IPO11: variants seen among roughly 807,000 people sequenced by gnomAD.
The protein encoded by IPO11 is importin 11.
Under a neutral mutation model 143.2 loss-of-function variants are expected in IPO11, and 66 were observed. That is an observed-to-expected ratio of 0.46 (90% CI 0.38 to 0.57). The LOEUF (loss-of-function observed/expected upper bound fraction) is 0.57, where lower values mean the gene tolerates loss of function less well. Ranked by LOEUF, IPO11 falls within the 20% of genes least tolerant of loss-of-function variation. The pLI is 0.00. For synonymous variants in IPO11, 385 were observed against 377.8 expected (o/e 1.02, Z -0.22); for missense variants, 1,026 against 1,141.0 (o/e 0.90, Z 1.45).
At chr5:62,478,432 G>T (rs1472949001) in intron 9 of IPO11, among the ~76,000 whole-genome samples, 3 of 152,274 alleles carry the variant, frequency 2.0e-5, no homozygotes, top group African/African-American at 7.2e-5. Flanking sequence ...CTCCCAAAGT[G>T]CTGGGATTAC....
chr5:62,612,583 TA>T (rs1745963467), intron 29 of IPO11, among the ~76,000 whole-genome samples: 1 of 152,202 alleles, frequency 6.6e-6, no homozygotes, highest in African/African-American at 2.4e-5. Context: ...TTTTTCTCAC[TA>T]AAGAGATATT....
Position 62,614,060 on chromosome 5 carries a change from C to T in IPO11, c.2763+12212C>T, listed in dbSNP as rs73760841. Among the ~76,000 whole-genome samples, 621 of 152,302 alleles carry T rather than the reference C, an allele frequency of 4.1e-3. 7 individuals are homozygous for T. The highest frequency in any genetic ancestry group is 0.014 in the African/African-American group (588 of 41,560). The stretch of plus-strand genomic sequence containing the variant: ...AGTTTTATCTTTATTTTCTTTTTCG[C>T]ATGTGCATTGTGTGTGAACATCATA... On this transcript the variant is annotated intron_variant, in intron 29 of 29. Transcript: ENST00000325324.
rs192678406 is a variant in IPO11, at chr5:62,609,339, C to G, written c.2763+7491C>G. Among the ~76,000 whole-genome samples, 68 of 152,326 alleles carry G rather than the reference C, an allele frequency of 4.5e-4. 1 individual carries two copies. Among genetic ancestry groups the G allele is most frequent in the African/African-American group, 1.6e-3 (66 of 41,580 alleles). On this transcript the variant is annotated intron_variant, in intron 29 of 29. Transcript: ENST00000325324. The stretch of plus-strand genomic sequence containing the variant: ...TTGCCCTGTCCCTTGGGCCATATGA[C>G]TTCAGGCTATAGCATCACCAGCACA...
At chr5:62,614,520 C>T (rs2112470420) in intron 29 of IPO11, among the ~76,000 whole-genome samples, 1 of 152,338 alleles carries the variant, frequency 6.6e-6, no homozygotes, top group Middle Eastern at 3.4e-3. Flanking sequence ...TGAAGAGTTA[C>T]CTGACCCGCC....
At chr5:62,596,024 C>T (rs970494653) in intron 28 of IPO11, among the ~76,000 whole-genome samples, 1 of 150,916 alleles carries the variant, frequency 6.6e-6, no homozygotes, top group Non-Finnish European at 1.5e-5. Context: ...TTTAGGAGGC[C>T]GAGACGGTAG....
chr5:62,564,661 T>A (rs32160), intron 27 of IPO11, among the ~76,000 whole-genome samples: 122,019 of 152,042 alleles, frequency 0.8, 49,785 homozygotes, highest in African/African-American at 0.95. Flanking sequence ...GGATGTCAGT[T>A]GCACTCTCCT....
chr5:62,452,239 C>T (rs527767981), intron 5 of IPO11, among the ~76,000 whole-genome samples: 4 of 147,062 alleles, frequency 2.7e-5, no homozygotes, highest in East Asian at 1.9e-4. Context: ...GGCGAGACTC[C>T]GTCTCAAAAA....
At chr5:62,438,109 AACTG>A (rs1292748727) in intron 2 of IPO11, among the ~76,000 whole-genome samples, 1 of 152,208 alleles carries the variant, frequency 6.6e-6, no homozygotes, top group Non-Finnish European at 1.5e-5. Flanking sequence ...TTGGGTTAAA[AACTG>A]ACTCAGTATT....
intron 15 of IPO11, among the ~76,000 whole-genome samples, chr5:62,493,475 G>T (rs1450464368): frequency 6.6e-6 from 1 of 152,030 alleles, no homozygotes; most frequent in Admixed American, 6.6e-5. Context: ...ATATGCCTAG[G>T]AATTTTTAAG....
intron 20 of IPO11, among the ~76,000 whole-genome samples, chr5:62,523,982 G>A (rs1742286399): frequency 6.6e-6 from 1 of 152,074 alleles, no homozygotes; most frequent in African/African-American, 2.4e-5. Flanking sequence ...GAAATCCCAT[G>A]TGTCCTTCAC....
intron 16 of IPO11, among the ~76,000 whole-genome samples, chr5:62,502,647 T>C (rs1302283575): frequency 2.6e-5 from 4 of 152,188 alleles, no homozygotes; most frequent in Non-Finnish European, 4.4e-5. Context: ...AGGAAAACAT[T>C]GTTTTATTCA....
At position 62,615,128 on chromosome 5, in the gene IPO11, G is replaced by A. The variant is rs115594051; in HGVS notation, c.2764-12026G>A. 7.0e-3 allele frequency among the ~76,000 whole-genome samples: 1,060 copies of A among 152,260 alleles called. 5 individuals are homozygous for A. Among genetic ancestry groups the A allele is most frequent in the Non-Finnish European group, 0.012 (844 of 68,024 alleles). On this transcript the variant is annotated intron_variant, in intron 29 of 29. Transcript: ENST00000325324. Reference sequence around the variant, plus strand: ...ACAGGATAAGGGGGTGTGGTGGGCCGTATGGAAACTTTTGGGCATGAAAAC... The same window carrying A: ...ACAGGATAAGGGGGTGTGGTGGGCCATATGGAAACTTTTGGGCATGAAAAC...
chr5:62,463,595 C>T (rs1020266520), intron 5 of IPO11, among the ~76,000 whole-genome samples: 1 of 151,096 alleles, frequency 6.6e-6, no homozygotes, highest in Non-Finnish European at 1.5e-5. Context: ...TGCTTGAGCC[C>T]AGGAGATTGA....
rs572222902 is a variant in IPO11 at position 62,529,420 on chromosome 5, A to C, written c.2013-1289A>C. Among the ~76,000 whole-genome samples the C allele has an allele frequency of 6.6e-5, 10 of 152,190 alleles. No homozygotes were observed. In the South Asian group the frequency reaches 1.9e-3, roughly 28 times the overall value. On this transcript the variant is annotated intron_variant, in intron 21 of 29. Coordinates refer to ENST00000325324, the MANE Select transcript of IPO11 (RefSeq NM_016338.5). ...AACTTGATTTCCTAGGATAAACTTT[A>C]CTTGGTGGGGAATTCCACTATTAAT...
At chr5:62,551,399 G>A in intron 26 of IPO11, 63 bp downstream of exon 26, 2 of 898,314 alleles carry the variant, frequency 2.2e-6, no homozygotes, top group Non-Finnish European at 1.8e-6. Flanking sequence ...GAAATAGTTT[G>A]ATGAAATAAT....
intron 1 of IPO11, among the ~76,000 whole-genome samples, chr5:62,436,624 T>C (rs1249688833): frequency 6.6e-6 from 1 of 152,200 alleles, no homozygotes; most frequent in East Asian, 1.9e-4. Flanking sequence ...AGCTACATGG[T>C]ATAGGATTAG....
Position 62,479,797 on chromosome 5 carries a change from C to T in IPO11, c.828+3044C>T, listed in dbSNP as rs1355303054. Among the ~76,000 whole-genome samples, 3 of 152,068 alleles carry T rather than the reference C, an allele frequency of 2.0e-5. 1 individual carries two copies. The highest frequency in any genetic ancestry group is 2.0e-4 in the Admixed American group (3 of 15,250). ...TTTTGATAGGGTTGTTTGATTTTTT[C>T]TTGTGATTTTGTTTAACTTCTTTGT... On this transcript the variant is annotated intron_variant, in intron 9 of 29. Transcript: ENST00000325324.
chr5:62,540,847 A>G (rs1376304788), intron 24 of IPO11, among the ~76,000 whole-genome samples: 7 of 152,254 alleles, frequency 4.6e-5, no homozygotes, highest in African/African-American at 7.2e-5. Flanking sequence ...CTGTCTCATT[A>G]TTTAGTCTCT....
rs930140131 is a variant in IPO11 at position 62,540,755 on chromosome 5, G to A, written c.2250+3466G>A. On this transcript the variant is annotated intron_variant, in intron 24 of 29. Transcript: ENST00000325324. ...TAGAGTTGATGTGAGGAATACTTGA[G>A]CTTATATATATAAACAGTTATAGCA... 5.3e-5 allele frequency among the ~76,000 whole-genome samples: 8 copies of A among 152,172 alleles called. No homozygotes were observed. The South Asian group carries it at 1.0e-3, about 20-fold the overall frequency.
Sources: gnomAD v4.1 joint callset for allele counts (sites outside exome capture counted in the v4.1 genomes callset) on GRCh38, gnomAD v4.1.1 for gene constraint, MANE v1.5 for transcripts, NCBI Gene and HGNC (gene_info 2026-07-23, HGNC 2026-07-21) for gene names.